IMMT: variants seen among roughly 807,000 people sequenced by gnomAD.
IMMT encodes MICOS complex subunit MIC60.
In IMMT, 40 loss-of-function variants were observed where a neutral mutation model predicts 92.7. The ratio of observed to expected loss-of-function variants is 0.43; its 90% CI spans 0.34 to 0.56. The LOEUF (loss-of-function observed/expected upper bound fraction) is 0.56, where lower values mean the gene tolerates loss of function less well. Ranked by LOEUF, IMMT falls within the 20% of genes least tolerant of loss-of-function variation. The pLI is 0.03. For synonymous variants in IMMT, 322 were observed against 336.1 expected (o/e 0.96, Z 0.46); for missense variants, 831 against 912.1 (o/e 0.91, Z 1.14).
At chr2:86,147,662 C>T in intron 13 of IMMT, 40 bp downstream of exon 13, 2 of 1,583,856 alleles carry the variant, frequency 1.3e-6, no homozygotes, top group Non-Finnish European at 8.6e-7. Context: ...TTAATCCTGT[C>T]AGGAAGAGGG....
rs762675690 is a variant in IMMT at position 86,147,752 on chromosome 2, G to A, written c.1483C>T (p.Arg495Ter). ...TGTTCTTGTACCCTAAGGACATCTC[G>A]CAAGTGATCAGTGTGGGCAGCTGCC... ...RQAAAHTDHL[R>*]DVLRVQEQEL... Residue 495 changes from arginine to a stop codon, truncating the protein, a stop_gained, in exon 13 of 15, where the codon CGA becomes TGA. Coordinates refer to ENST00000410111, the MANE Select transcript of IMMT (RefSeq NM_006839.3). LOFTEE classifies it high-confidence loss of function. 5 of 1,613,712 alleles carry A rather than the reference G, an allele frequency of 3.1e-6. No individual in the cohort carries two copies. The highest frequency in any genetic ancestry group is 4.2e-6 in the Non-Finnish European group (5 of 1,179,776).
Position 86,145,494 on chromosome 2 carries a change from CAAAAAAA to C in IMMT, c.1663+567_1663+573del, listed in dbSNP as rs10554362. On this transcript the variant is annotated intron_variant, in intron 14 of 14. Coordinates refer to ENST00000410111, the MANE Select transcript of IMMT (RefSeq NM_006839.3). Reference sequence around the variant, plus strand: ...TGGGCGACAGAGCAAGACTCTGTCTCAAAAAAAAAAAAAAAAAAAAAAAAGAAATGGG... The same window carrying C: ...TGGGCGACAGAGCAAGACTCTGTCTCAAAAAAAAAAAAAAAAAGAAATGGG... Among the ~76,000 whole-genome samples, 754 of 76,312 alleles carry C rather than the reference CAAAAAAA, an allele frequency of 9.9e-3. 9 individuals carry two copies. Among genetic ancestry groups the C allele is most frequent in the Middle Eastern group, 0.037 (5 of 136 alleles). 50.1% of individuals were successfully genotyped at this position (76,312 alleles called of 152,430 possible). A position where few individuals can be genotyped will look rare whatever the true frequency, so the allele number is the denominator to read the frequency against.
chr2:86,183,436 C>T (rs1672558490), intron 1 of IMMT, among the ~76,000 whole-genome samples: 3 of 152,310 alleles, frequency 2.0e-5, no homozygotes. Flanking sequence ...AACAACCACG[C>T]CCAGCATCAG....
At position 86,179,461 on chromosome 2, in the gene IMMT, G is replaced by C. The variant is rs1677681452; in HGVS notation, c.281C>G (p.Ala94Gly). The C allele has an allele frequency of 1.9e-6, 3 of 1,603,504 alleles. No homozygotes were observed. The highest frequency in any genetic ancestry group is 2.5e-6 in the Non-Finnish European group (3 of 1,176,966). The change falls in exon 3 of 15, where the codon GCT (alanine) becomes GGT (glycine). Residue 94 changes from alanine to glycine, a missense_variant. By Grantham distance (60) the Ala-to-Gly change is moderately conservative. Coordinates refer to ENST00000410111, the MANE Select transcript of IMMT (RefSeq NM_006839.3). ...TTTCTTTGGCAATGGAACATTATAA[G>C]CTGCAGGACCAAGAACCATCTCGAA... ...KLFEMVLGPA[A>G]YNVPLPKKSI...
Position 86,166,610 on chromosome 2 carries a change from T to C in IMMT, c.690A>G (p.Gln230=), listed in dbSNP as rs1676695862. 6.2e-7 allele frequency: 1 copy of C among 1,613,430 alleles called. No homozygotes were observed. The highest frequency in any genetic ancestry group is 1.3e-5 in the African/African-American group (1 of 74,970). Residue 230 remains glutamine, a synonymous_variant, in exon 7 of 15, where the codon CAA becomes CAG. Transcript: ENST00000410111. The part of the protein sequence containing the change: ...LAKSLEDALR[Q]TASVTLQAIA... ...TAGCCTGCAGAGTGACACTTGCAGT[T>C]TGCCTCAGAGCATCTTCTAAGCTCT...
At chr2:86,158,570 AC>A (rs1676032481) in intron 10 of IMMT, 21 bp downstream of exon 10, 5 of 1,560,944 alleles carry the variant, frequency 3.2e-6, no homozygotes, top group Non-Finnish European at 4.4e-6. Flanking sequence ...CAAAAAAAAA[AC>A]ATTACTTCAG....
chr2:86,166,455 T>C (rs1228149556), intron 7 of IMMT, 53 bp downstream of exon 7: 28 of 1,539,008 alleles, frequency 1.8e-5, no homozygotes, highest in African/African-American at 2.8e-5. Context: ...ATTTTTCTTT[T>C]TGTCCTCCAA....
intron 7 of IMMT, among the ~76,000 whole-genome samples, chr2:86,165,248 A>G (rs1676589344): frequency 6.6e-6 from 1 of 152,232 alleles, no homozygotes. Flanking sequence ...TCTGAGGGAT[A>G]CTGGTCTACT....
At chr2:86,178,172 G>A (rs1040859414) in intron 3 of IMMT, among the ~76,000 whole-genome samples, 2 of 151,922 alleles carry the variant, frequency 1.3e-5, no homozygotes, top group Non-Finnish European at 2.9e-5. Context: ...CAAAAAATTA[G>A]CCAGGCGTGG....
At chr2:86,146,953 G>GT (rs1311740374) in intron 13 of IMMT, among the ~76,000 whole-genome samples, 2 of 151,964 alleles carry the variant, frequency 1.3e-5, no homozygotes, top group East Asian at 1.9e-4. Flanking sequence ...TAGAGACAGG[G>GT]TTTCGCCATG....
At chr2:86,156,271 G>C (rs893481778) in intron 10 of IMMT, among the ~76,000 whole-genome samples, 11 of 152,168 alleles carry the variant, frequency 7.2e-5, no homozygotes, top group Admixed American at 7.2e-4. Flanking sequence ...GCCCTCAGTT[G>C]AGAACCACTG....
At chr2:86,162,193 T>C in intron 7 of IMMT, 114 bp from the exon 8 acceptor site, 2 of 636,768 alleles carry the variant, frequency 3.1e-6, no homozygotes, top group South Asian at 4.0e-5. Flanking sequence ...AAAATTTATA[T>C]GCAATGTTTC....
At chr2:86,147,115 A>AACATTAAATTAAATTAAC (rs1553444323) in intron 13 of IMMT, among the ~76,000 whole-genome samples, 22 of 152,320 alleles carry the variant, frequency 1.4e-4, no homozygotes, top group Non-Finnish European at 2.9e-4. Flanking sequence ...TAAACATAAT[A>AACATTAAATTAAATTAAC]ATTAGATTAA....
intron 8 of IMMT, among the ~76,000 whole-genome samples, chr2:86,160,836 G>T (rs1210643240): frequency 1.3e-5 from 2 of 152,310 alleles, no homozygotes; most frequent in African/African-American, 4.8e-5. Flanking sequence ...CTGATAAACT[G>T]CCCAAACTGT....
chr2:86,181,900 G>A (rs951294305), intron 1 of IMMT, among the ~76,000 whole-genome samples: 1 of 152,132 alleles, frequency 6.6e-6, no homozygotes, highest in Non-Finnish European at 1.5e-5. Context: ...TCATTTAAAA[G>A]CTGATTTTTG....
Position 86,170,770 on chromosome 2 carries a change from GT to G in IMMT, c.633del (p.Lys211AsnfsTer10). On this transcript the variant is annotated frameshift_variant, in exon 6 of 15. Transcript: ENST00000410111. LOFTEE classifies it high-confidence loss of function. ...ATACACTCAATTTTAACTTGTTCTT[GT>G]TTTTCCTGTTGTGCAAGGCGAGCTG... ...EVAARLAQQE[K>X]QEQVKIESLA... 6.3e-7 allele frequency: 1 copy of G among 1,582,396 alleles called. No individual in the cohort carries two copies. Among genetic ancestry groups the G allele is most frequent in the Non-Finnish European group, 8.6e-7 (1 of 1,162,278 alleles).
chr2:86,184,651 G>A (rs1190890735), intron 1 of IMMT, among the ~76,000 whole-genome samples: 2 of 151,920 alleles, frequency 1.3e-5, no homozygotes, highest in African/African-American at 4.8e-5. Flanking sequence ...TGGTGTTGGG[G>A]GCGGCAGAAG....
At chr2:86,181,501 A>C in intron 1 of IMMT, 129 bp from the exon 2 acceptor site, 1 of 659,836 alleles carries the variant, frequency 1.5e-6, no homozygotes. Context: ...TTTTTTCAGA[A>C]GTCAATTTAT....
intron 1 of IMMT, among the ~76,000 whole-genome samples, chr2:86,185,530 A>G (rs144415184): frequency 6.6e-6 from 1 of 152,186 alleles, no homozygotes; most frequent in African/African-American, 2.4e-5. Flanking sequence ...TGTGTTTCCC[A>G]GATTCTATTG....
Sources: gnomAD v4.1 joint callset for allele counts (sites outside exome capture counted in the v4.1 genomes callset) on GRCh38, gnomAD v4.1.1 for gene constraint, MANE v1.5 for transcripts, NCBI Gene and HGNC (gene_info 2026-07-23, HGNC 2026-07-21) for gene names.